ST8SIA6: variants seen among roughly 807,000 people sequenced by gnomAD.
ST8SIA6 encodes the protein ST8 alpha-N-acetyl-neuraminide alpha-2,8-sialyltransferase 6, also known as alpha-2,8-sialyltransferase 8F.
ST8SIA6 carries 39 observed loss-of-function variants against 33.6 expected under a neutral mutation model. The observed-to-expected ratio is 1.16, with a 90% CI of 0.90 to 1.52. The LOEUF (loss-of-function observed/expected upper bound fraction) is 1.52, where lower values mean the gene tolerates loss of function less well. Ranked by LOEUF, ST8SIA6 falls within the 40% of genes most tolerant of loss-of-function variation. The probability of loss-of-function intolerance (pLI) is 0.00; values close to 1 mark genes in which losing one functional copy is unlikely to be tolerated. For synonymous variants in ST8SIA6, 172 were observed against 167.2 expected (o/e 1.03, Z -0.22); for missense variants, 441 against 443.8 (o/e 0.99, Z 0.06).
Position 17,441,933 on chromosome 10 carries a change from A to T in ST8SIA6, c.200+11626T>A, listed in dbSNP as rs185870400. On this transcript the variant is annotated intron_variant, in intron 2 of 7. Transcript: ENST00000377602. ...ACCCAGGCTGGAGTGCAGTGGTGTG[A>T]TCTGGGCTCACTGCAACCTCCACCT... is the stretch of plus-strand genomic sequence containing the variant. Among the ~76,000 whole-genome samples, 1,395 of 148,718 alleles carry T rather than the reference A, an allele frequency of 9.4e-3. 10 individuals carry two copies. The highest frequency in any genetic ancestry group is 0.018 in the Middle Eastern group (5 of 284).
intron 3 of ST8SIA6, among the ~76,000 whole-genome samples, chr10:17,376,752 A>G (rs1849928530): frequency 6.6e-6 from 1 of 152,208 alleles, no homozygotes; most frequent in African/African-American, 2.4e-5. Context: ...CATTTTTAAT[A>G]CAGTATAATA....
intron 2 of ST8SIA6, among the ~76,000 whole-genome samples, chr10:17,448,595 ATTGTTGTTGTTGTTC>A (rs954625265): frequency 7.7e-5 from 10 of 129,798 alleles, no homozygotes; most frequent in African/African-American, 3.2e-4. Context: ...CAGGGTTTTT[ATTGTTGTTGTTGTTC>A]TTGTTGTTGT....
At chr10:17,370,954 T>C (rs942130805) in intron 3 of ST8SIA6, among the ~76,000 whole-genome samples, 2 of 152,120 alleles carry the variant, frequency 1.3e-5, no homozygotes, top group African/African-American at 4.8e-5. Flanking sequence ...GAGGTAGAAG[T>C]TGAGAGAAAA....
At chr10:17,405,773 T>G (rs536636407) in intron 2 of ST8SIA6, among the ~76,000 whole-genome samples, 1 of 150,734 alleles carries the variant, frequency 6.6e-6, no homozygotes, top group Non-Finnish European at 1.5e-5. Flanking sequence ...TGCCCCCTAC[T>G]CAGGAGACTG....
chr10:17,433,284 TACAC>T lies in ST8SIA6; in HGVS notation c.200+20271_200+20274del, dbSNP rs1322975367. On this transcript the variant is annotated intron_variant, in intron 2 of 7. Transcript: ENST00000377602. ...ACGTGACACATCTATATCAAGTTGT[TACAC>T]ACACACCCTTGCTTAAATAATTGTT... 6.6e-5 allele frequency among the ~76,000 whole-genome samples: 10 copies of T among 152,170 alleles called. No individual in the cohort carries two copies. In the East Asian group the frequency reaches 1.9e-3, roughly 29 times the overall value.
intron 3 of ST8SIA6, among the ~76,000 whole-genome samples, chr10:17,382,694 G>A (rs1169167424): frequency 3.9e-5 from 6 of 152,122 alleles, no homozygotes; most frequent in Non-Finnish European, 7.4e-5. Flanking sequence ...TTCAGGCCCC[G>A]TACAAGATGC....
At chr10:17,382,340 A>T (rs1441971039) in intron 3 of ST8SIA6, among the ~76,000 whole-genome samples, 6 of 152,058 alleles carry the variant, frequency 3.9e-5, no homozygotes, top group Non-Finnish European at 7.4e-5. Flanking sequence ...ATTTTGGCTC[A>T]CTGCAACTTC....
In ST8SIA6 at chr10:17,359,588, G is replaced by T. The variant is rs751833032; in HGVS notation, c.303C>A (p.Asn101Lys). Residue 101 changes from asparagine to lysine, a missense_variant, in exon 4 of 8, where the codon AAC becomes AAA. Physicochemically the swap from Asn to Lys is moderately conservative, Grantham distance 94 (BLOSUM62 0). Transcript: ENST00000377602. The stretch of plus-strand genomic sequence containing the variant: ...TATCTGTGATAATCTGAAGGTAGTC[G>T]TTCTCTGAATACCTAAAAATTAAAT... ...FSNKTKGYSENDYLQIITDIQ... is the reference protein window; with the variant it reads ...FSNKTKGYSEKDYLQIITDIQ... The T allele has an allele frequency of 8.8e-6, 14 of 1,597,994 alleles. No homozygotes were observed. Among genetic ancestry groups the T allele is most frequent in the Non-Finnish European group, 1.2e-5 (14 of 1,172,760 alleles).
intron 2 of ST8SIA6, among the ~76,000 whole-genome samples, chr10:17,419,520 ACT>A (rs1256476240): frequency 3.3e-5 from 5 of 151,974 alleles, no homozygotes; most frequent in South Asian, 2.1e-4. Context: ...ACAGGGCAAG[ACT>A]CTGTCTCAAA....
chr10:17,326,553 A>C (rs1359311685), intron 6 of ST8SIA6, among the ~76,000 whole-genome samples: 1 of 152,256 alleles, frequency 6.6e-6, no homozygotes, highest in Non-Finnish European at 1.5e-5. Flanking sequence ...TACAGTTTGC[A>C]GGGCTGAAAA....
chr10:17,399,776 G>T (rs1442679114), intron 2 of ST8SIA6, among the ~76,000 whole-genome samples: 1 of 151,990 alleles, frequency 6.6e-6, no homozygotes, highest in Non-Finnish European at 1.5e-5. Context: ...AAATTAGCCA[G>T]ATGTGGTGGT....
chr10:17,361,730 G>A (rs574366205), intron 3 of ST8SIA6, among the ~76,000 whole-genome samples: 18 of 145,390 alleles, frequency 1.2e-4, no homozygotes, highest in East Asian at 2.1e-4. Flanking sequence ...AAAAAAAACC[G>A]GGCAGGCCAA....
intron 3 of ST8SIA6, among the ~76,000 whole-genome samples, chr10:17,364,482 C>G (rs1849496245): frequency 6.6e-6 from 1 of 152,082 alleles, no homozygotes; most frequent in South Asian, 2.1e-4. Flanking sequence ...ATTAAGTGTT[C>G]AAAAAATCAT....
intron 2 of ST8SIA6, among the ~76,000 whole-genome samples, chr10:17,416,527 T>C (rs1044223094): frequency 6.6e-5 from 10 of 152,232 alleles, no homozygotes; most frequent in African/African-American, 2.2e-4. Flanking sequence ...CTTCCCTCTT[T>C]TCCAGTCTTC....
At position 17,432,955 on chromosome 10, in the gene ST8SIA6, CTTAT is replaced by C. The variant is rs767887135; in HGVS notation, c.200+20600_200+20603del. On this transcript the variant is annotated intron_variant, in intron 2 of 7. Coordinates refer to ENST00000377602, the MANE Select transcript of ST8SIA6 (RefSeq NM_001004470.3). ...ACTGCCAATTTCTATGTGTCACTTC[CTTAT>C]TTATTTATTTATTTATTTGTCTATA... 1.6e-4 allele frequency among the ~76,000 whole-genome samples: 24 copies of C among 152,226 alleles called. No individual in the cohort carries two copies. The South Asian group carries it at 1.7e-3, about 11-fold the overall frequency.
chr10:17,447,971 TG>T (rs1167516900), intron 2 of ST8SIA6, among the ~76,000 whole-genome samples: 1 of 152,068 alleles, frequency 6.6e-6, no homozygotes, highest in Non-Finnish European at 1.5e-5. Context: ...GGCTAATTTT[TG>T]TATTTTTAGT....
chr10:17,359,572 T>A lies in ST8SIA6; in HGVS notation c.319A>T (p.Ile107Phe). The A allele has an allele frequency of 6.2e-7, 1 of 1,606,718 alleles. No homozygotes were observed. The highest frequency in any genetic ancestry group is 2.2e-5 in the East Asian group (1 of 44,548). Residue 107 changes from isoleucine (I) to phenylalanine (F), a missense_variant, in exon 4 of 8, where the codon ATC (isoleucine) becomes TTC (phenylalanine). Ile to Phe is a conservative substitution (Grantham distance 21). Transcript: ENST00000377602. ...GYSENDYLQI[I>F]TDIQSCPWKR... is the part of the protein sequence containing the mutation. Reference sequence around the variant, plus strand: ...CATGGACAACTCTGTATATCTGTGATAATCTGAAGGTAGTCGTTCTCTGAA... The same window carrying A: ...CATGGACAACTCTGTATATCTGTGAAAATCTGAAGGTAGTCGTTCTCTGAA...
chr10:17,441,446 C>T (rs368541807), intron 2 of ST8SIA6, among the ~76,000 whole-genome samples: 2 of 151,628 alleles, frequency 1.3e-5, no homozygotes, highest in Non-Finnish European at 2.9e-5. Flanking sequence ...CCAAGTAGCT[C>T]GGATGACAGG....
intron 2 of ST8SIA6, among the ~76,000 whole-genome samples, chr10:17,449,793 G>T (rs1479471904): frequency 1.3e-5 from 2 of 152,172 alleles, no homozygotes; most frequent in Non-Finnish European, 2.9e-5. Flanking sequence ...GAGTCAGTAG[G>T]AGCAGAAGAG....
Sources: gnomAD v4.1 joint callset for allele counts (sites outside exome capture counted in the v4.1 genomes callset) on GRCh38, gnomAD v4.1.1 for gene constraint, MANE v1.5 for transcripts, NCBI Gene and HGNC (gene_info 2026-07-23, HGNC 2026-07-21) for gene names.